Variants in PRRG3 observed in about 807,000 individuals in gnomAD.
PRRG3 encodes transmembrane gamma-carboxyglutamic acid protein 3.
Under a neutral mutation model 15.8 loss-of-function variants are expected in PRRG3, and 21 were observed. The ratio of observed to expected loss-of-function variants is 1.33; its 90% CI spans 0.94 to 1.92. The LOEUF (loss-of-function observed/expected upper bound fraction) is 1.92. PRRG3 is among the 40% of genes most tolerant of loss of function. The probability of loss-of-function intolerance (pLI) is 0.00; values close to 1 mark genes in which losing one functional copy is unlikely to be tolerated. For missense variants in PRRG3, 251 were observed against 200.2 expected (o/e 1.25, Z -1.53); for synonymous variants, 125 against 84.1 (o/e 1.49, Z -2.66).
intron 1 of PRRG3, among the ~76,000 whole-genome samples, chrX:151,696,910 C>G (rs1216851471): frequency 8.9e-6 from 1 of 112,004 alleles, no homozygotes; most frequent in African/African-American, 3.2e-5. Flanking sequence ...AGAGAAAGCC[C>G]CTTGATGTGG....
rs1039536466 is a variant in PRRG3, at chrX:151,701,358, T to C, written c.*325T>C. On this transcript the variant is annotated 3_prime_UTR_variant, in exon 4 of 4. Coordinates refer to ENST00000674457, the MANE Select transcript of PRRG3 (RefSeq NM_001372163.1). The stretch of plus-strand genomic sequence containing the variant: ...CAAAGGAATAACCCCATTGAGTTGA[T>C]TGTGGCCAGAATGTCCACAGGCCTG... The C allele has an allele frequency of 1.3e-4, 22 of 173,495 alleles. No individual in the cohort carries two copies. Among genetic ancestry groups the C allele is most frequent in the Non-Finnish European group, 2.4e-4 (22 of 92,676 alleles). The allele number at this position is 173,495 out of a possible 1,213,427, so 14.3% of individuals were successfully genotyped here.
chrX:151,700,376 T>C lies in PRRG3; in HGVS notation c.169-130T>C, dbSNP rs201357535. On this transcript the variant is annotated intron_variant, in intron 3 of 3. Transcript: ENST00000674457. ...AGCATTGTCCTTTGCCCTTGGTACATTCTGCTGCCTCTCTGGTAACTCTGT... is the reference window on the plus strand; with the variant it reads ...AGCATTGTCCTTTGCCCTTGGTACACTCTGCTGCCTCTCTGGTAACTCTGT... 11 of 1,136,705 alleles carry C rather than the reference T, an allele frequency of 9.7e-6. No homozygotes were observed. In the East Asian group the frequency reaches 3.3e-4, roughly 34 times the overall value. 93.7% of individuals were successfully genotyped at this position (1,136,705 alleles called of 1,213,427 possible).
At position 151,704,092 on chromosome X, in the gene PRRG3, A is replaced by AT. The variant is rs1297220124; in HGVS notation, c.*3065dup. On this transcript the variant is annotated 3_prime_UTR_variant, in exon 4 of 4. Coordinates refer to ENST00000674457, the MANE Select transcript of PRRG3 (RefSeq NM_001372163.1). Reference sequence around the variant, plus strand: ...TGTTTTCAACCAAAAACTTTTTAAGATTTTTTAAAAGAAAAATCGAAATCC... The same window carrying AT: ...TGTTTTCAACCAAAAACTTTTTAAGATTTTTTTAAAAGAAAAATCGAAATCC... 1 of 108,697 alleles carries AT rather than the reference A, an allele frequency of 9.2e-6. No individual in the cohort carries two copies. Among genetic ancestry groups the AT allele is most frequent in the Non-Finnish European group, 1.9e-5 (1 of 52,392 alleles). The allele number at this position is 108,697 out of a possible 1,213,427, so 9.0% of individuals were successfully genotyped here.
At chrX:151,697,700 C>T (rs16996097) in intron 1 of PRRG3, among the ~76,000 whole-genome samples, 1,548 of 109,154 alleles carry the variant, frequency 0.014, 28 homozygotes, top group African/African-American at 0.05. Flanking sequence ...GTTCACGTGT[C>T]TTGCATCCAG....
rs1338774673 is a variant in PRRG3, at chrX:151,705,278, G to A, written c.*4245G>A. 16 of 341,051 alleles carry A rather than the reference G, an allele frequency of 4.7e-5. No individual in the cohort carries two copies. The highest frequency in any genetic ancestry group is 8.3e-5 in the Non-Finnish European group (14 of 169,674). 28.1% of individuals were successfully genotyped at this position (341,051 alleles called of 1,213,427 possible). On this transcript the variant is annotated 3_prime_UTR_variant, in exon 4 of 4. Transcript: ENST00000674457. ...AAATATTCTGTAAAGCAGATGCTTC[G>A]CTGTCAGACTGGCCGCTCCATCATT...
chrX:151,705,081 T>C lies in PRRG3; in HGVS notation c.*4048T>C. Reference sequence around the variant, plus strand: ...TATTAAGGATCCCTTCACCGTGCCTTCAGCTTTGCAGTTCAGCACTTCTCG... The same window carrying C: ...TATTAAGGATCCCTTCACCGTGCCTCCAGCTTTGCAGTTCAGCACTTCTCG... On this transcript the variant is annotated 3_prime_UTR_variant, in exon 4 of 4. Transcript: ENST00000674457. The C allele has an allele frequency of 5.0e-6, 1 of 201,439 alleles. No homozygotes were observed. The highest frequency in any genetic ancestry group is 9.3e-6 in the Non-Finnish European group (1 of 107,948). The allele number at this position is 201,439 out of a possible 1,213,427, so 16.6% of individuals were successfully genotyped here.
At position 151,703,476 on chromosome X, in the gene PRRG3, T is replaced by TGC. The variant is rs1338691046; in HGVS notation, c.*2444_*2445insCG. 9.0e-6 allele frequency: 1 copy of TGC among 111,044 alleles called. No homozygotes were observed. The highest frequency in any genetic ancestry group is 1.9e-5 in the Non-Finnish European group (1 of 52,948). 9.2% of individuals were successfully genotyped at this position (111,044 alleles called of 1,213,427 possible). A position where few individuals can be genotyped will look rare whatever the true frequency, so the allele number is the denominator to read the frequency against. ...GGACTTCTATGTGTGTGTGTGTGTG[T>TGC]GTGTGTGTGTGTATCTATGTGTGCA... On this transcript the variant is annotated 3_prime_UTR_variant, in exon 4 of 4. Coordinates refer to ENST00000674457, the MANE Select transcript of PRRG3 (RefSeq NM_001372163.1).
At chrX:151,698,925 T>G (rs2014813548) in intron 2 of PRRG3, 104 bp downstream of exon 2, 3 of 772,807 alleles carry the variant, frequency 3.9e-6, no homozygotes, top group Non-Finnish European at 5.7e-6. Context: ...ACCCCCCAAG[T>G]GGGCCTGTAG....
At chrX:151,699,275 C>G (rs1254267060) in intron 2 of PRRG3, among the ~76,000 whole-genome samples, 7 of 112,565 alleles carry the variant, frequency 6.2e-5, no homozygotes, top group African/African-American at 9.7e-5. Context: ...CTGGGTGTCT[C>G]TCTCTGGAAT....
intron 1 of PRRG3, among the ~76,000 whole-genome samples, chrX:151,697,003 CTCTTTCTTTCTT>C (rs1218113526): frequency 9.3e-6 from 1 of 107,647 alleles, no homozygotes; most frequent in Non-Finnish European, 1.9e-5. Context: ...CTTTCTTTCT[CTCTTTCTTTCTT>C]TCTTCCTTCC....
In PRRG3 at chrX:151,700,712, C is replaced by T. The variant is rs147473030; in HGVS notation, c.375C>T (p.Ala125=). ...AGAACCGGTACCTAGCCAGTCGCGCCGGGCACACCCTCCCCCGGGTCATGG... is the reference window on the plus strand; with the variant it reads ...AGAACCGGTACCTAGCCAGTCGCGCTGGGCACACCCTCCCCCGGGTCATGG... ...YAQNRYLASR[A]GHTLPRVMVY... Residue 125 remains alanine, a synonymous_variant, in exon 4 of 4, where the codon GCC becomes GCT. Transcript: ENST00000674457. The T allele has an allele frequency of 6.5e-5, 78 of 1,207,949 alleles. No homozygotes were observed. The South Asian group carries it at 8.9e-4, about 14-fold the overall frequency.
chrX:151,697,484 T>A (rs980433186), intron 1 of PRRG3, among the ~76,000 whole-genome samples: 3 of 111,502 alleles, frequency 2.7e-5, no homozygotes, highest in African/African-American at 9.8e-5. Context: ...ATTTATATCC[T>A]ACCTGTTTGC....
At position 151,705,322 on chromosome X, in the gene PRRG3, C is replaced by T. The variant is rs202216708; in HGVS notation, c.*4289C>T. 2.9e-6 allele frequency: 1 copy of T among 343,548 alleles called. No homozygotes were observed. Among genetic ancestry groups the T allele is most frequent in the Non-Finnish European group, 5.9e-6 (1 of 170,247 alleles). The allele number at this position is 343,548 out of a possible 1,213,427, so 28.3% of individuals were successfully genotyped here. A position where few individuals can be genotyped will look rare whatever the true frequency, so the allele number is the denominator to read the frequency against. On this transcript the variant is annotated 3_prime_UTR_variant, in exon 4 of 4. Transcript: ENST00000674457. ...CATCATTCGCCTCCAAATATTCAAACGTGGGAGCTTTTCCTTTCAGACTGT... is the reference window on the plus strand; with the variant it reads ...CATCATTCGCCTCCAAATATTCAAATGTGGGAGCTTTTCCTTTCAGACTGT...
Position 151,701,272 on chromosome X carries a change from T to C in PRRG3, c.*239T>C, listed in dbSNP as rs931114004. 3.4e-6 allele frequency: 1 copy of C among 291,801 alleles called. No individual in the cohort carries two copies. The highest frequency in any genetic ancestry group is 6.0e-6 in the Non-Finnish European group (1 of 166,125). The allele number at this position is 291,801 out of a possible 1,213,427, so 24.0% of individuals were successfully genotyped here. A position where few individuals can be genotyped will look rare whatever the true frequency, so the allele number is the denominator to read the frequency against. On this transcript the variant is annotated 3_prime_UTR_variant, in exon 4 of 4. Transcript: ENST00000674457. ...CCAAAGGCCAAAGTGCCCAACTCTT[T>C]GGGATGACCCCCAAGCCTCCAACAT...
intron 1 of PRRG3, 100 bp downstream of exon 1, chrX:151,695,644 G>T (rs924470989): frequency 8.9e-6 from 1 of 111,867 alleles, no homozygotes; most frequent in South Asian, 3.8e-4. Flanking sequence ...GGAAGATCTA[G>T]AGGCCTGTCC....
intron 1 of PRRG3, 195 bp from the exon 2 acceptor site, chrX:151,698,589 C>T: frequency 2.9e-6 from 1 of 341,477 alleles, no homozygotes; most frequent in Non-Finnish European, 5.1e-6. Context: ...GGGGAGGTCT[C>T]TGGAGAAGAG....
In PRRG3 at chrX:151,700,156, G is replaced by A. The variant is rs1350244900; in HGVS notation, c.168G>A (p.Thr56=). 18 of 1,211,920 alleles carry A rather than the reference G, an allele frequency of 1.5e-5. No individual in the cohort carries two copies. Among genetic ancestry groups the A allele is most frequent in the Middle Eastern group, 2.3e-4 (1 of 4,352 alleles). ...AAGTGTTTGAGAACAAAGAGAAAAC[G>A]GCATGTACCACCCTGGGGCTGGTTC... ...VKEVFENKEK[T]MEFWKGYPNA... Residue 56 remains threonine, a splice_region_variant and synonymous_variant, in exon 3 of 4, where the codon ACG becomes ACA. Transcript: ENST00000674457.
chrX:151,700,827 G>A lies in PRRG3; in HGVS notation c.490G>A (p.Gly164Arg). The A allele has an allele frequency of 8.4e-7, 1 of 1,194,447 alleles. No individual in the cohort carries two copies. The highest frequency in any genetic ancestry group is 1.1e-6 in the Non-Finnish European group (1 of 885,093). Reference sequence around the variant, plus strand: ...CCAGGTGGTGCTGGGGCCCAGTCGGGGGGGCAGGACCACAGTCCGGCTAGA... The same window carrying A: ...CCAGGTGGTGCTGGGGCCCAGTCGGAGGGGCAGGACCACAGTCCGGCTAGA... ...SPQVVLGPSR[G>R]GRTTVRLEST... is the part of the protein sequence containing the mutation. The change falls in exon 4 of 4, where the codon GGG (glycine) becomes AGG (arginine). Residue 164 changes from glycine (G) to arginine (R), a missense_variant. Transcript: ENST00000674457.
intron 2 of PRRG3, 154 bp from the exon 3 acceptor site, chrX:151,699,841 GC>G (rs1250250261): frequency 3.9e-6 from 2 of 512,212 alleles, no homozygotes; most frequent in African/African-American, 4.7e-5. Flanking sequence ...TTCACAAAGG[GC>G]CGGCCATGTC....
Sources: allele counts gnomAD v4.1 joint callset (sites outside exome capture counted in the v4.1 genomes callset), GRCh38; gene constraint gnomAD v4.1.1; transcripts MANE v1.5; gene names NCBI Gene and HGNC (gene_info 2026-07-23, HGNC 2026-07-21).